Variants in RIC1 observed in about 807,000 individuals in gnomAD.
RIC1 encodes the protein guanine nucleotide exchange factor subunit RIC1.
In RIC1, 88 loss-of-function variants were observed where a neutral mutation model predicts 169.0. That is an observed-to-expected ratio of 0.52 (90% CI 0.44 to 0.62). RIC1 has a LOEUF of 0.62. RIC1 is among the 20% of genes least tolerant of loss of function. RIC1 has a pLI of 0.00. For missense variants in RIC1, 1,877 were observed against 1,725.5 expected, an observed-to-expected ratio of 1.09 and a Z score of -1.56; for synonymous variants, 790 against 601.5, an observed-to-expected ratio of 1.31 and a Z score of -4.59.
chr9:5,643,168 A>G (rs961267005), intron 1 of RIC1, among the ~76,000 whole-genome samples: 1 of 152,114 alleles, frequency 6.6e-6, no homozygotes, highest in Non-Finnish European at 1.5e-5. Flanking sequence ...TCAGCTGGCC[A>G]TGGTGGTGCA....
chr9:5,656,159 C>T (rs910996485), intron 1 of RIC1, among the ~76,000 whole-genome samples: 26 of 152,088 alleles, frequency 1.7e-4, no homozygotes, highest in African/African-American at 5.6e-4. Context: ...CATGAGCCAC[C>T]GCGCCTGGCC....
rs1235807207 is a variant in RIC1, at chr9:5,683,229, T to G, written c.253-6730T>G. On this transcript the variant is annotated intron_variant, in intron 2 of 25. Transcript: ENST00000414202. ...TGGAGGAGAAGAGGCACTCTGATTT[T>G]TAGAGTTTCCGGTTTTTCTGCTCTG... 2.0e-5 allele frequency among the ~76,000 whole-genome samples: 3 copies of G among 152,218 alleles called. 1 individual carries two copies. The highest frequency in any genetic ancestry group is 4.4e-5 in the Non-Finnish European group (3 of 68,030).
intron 2 of RIC1, among the ~76,000 whole-genome samples, chr9:5,665,143 T>C (rs1819677060): frequency 6.6e-6 from 1 of 152,230 alleles, no homozygotes; most frequent in African/African-American, 2.4e-5. Context: ...TCTTGTTGAA[T>C]TGAACCCTTT....
intron 2 of RIC1, among the ~76,000 whole-genome samples, chr9:5,666,719 G>C (rs1819788885): frequency 6.6e-6 from 1 of 152,164 alleles, no homozygotes; most frequent in African/African-American, 2.4e-5. Flanking sequence ...CTTGCATTCA[G>C]TGAATGAATC....
chr9:5,670,428 A>G (rs1167302729), intron 2 of RIC1, among the ~76,000 whole-genome samples: 1 of 152,210 alleles, frequency 6.6e-6, no homozygotes, highest in Admixed American at 6.5e-5. Flanking sequence ...TATTGATTCC[A>G]TAGCTTGCCT....
chr9:5,749,970 G>A (rs974870890), intron 12 of RIC1, among the ~76,000 whole-genome samples: 5 of 151,422 alleles, frequency 3.3e-5, no homozygotes, highest in Admixed American at 2.0e-4. Context: ...GTAGAGACGG[G>A]GTTTCACCAT....
At chr9:5,707,678 T>C (rs1418702199) in intron 3 of RIC1, among the ~76,000 whole-genome samples, 2 of 152,100 alleles carry the variant, frequency 1.3e-5, no homozygotes, top group African/African-American at 4.8e-5. Context: ...TTTGTTTGTT[T>C]GTTTGTTTCT....
chr9:5,762,810 C>G (rs1826429363), intron 18 of RIC1, 150 bp downstream of exon 18: 1 of 1,015,398 alleles, frequency 9.8e-7, no homozygotes, highest in Non-Finnish European at 1.4e-6. Context: ...GGGTGTAAGA[C>G]TGACTGACTG....
intron 1 of RIC1, among the ~76,000 whole-genome samples, chr9:5,634,446 G>A (rs975357631): frequency 6.6e-6 from 1 of 152,140 alleles, no homozygotes; most frequent in Non-Finnish European, 1.5e-5. Context: ...GGTATCTTAT[G>A]GTTTTGATTT....
chr9:5,721,625 C>T (rs752356031), intron 6 of RIC1, among the ~76,000 whole-genome samples: 7 of 152,186 alleles, frequency 4.6e-5, no homozygotes, highest in Middle Eastern at 3.2e-3. Context: ...CAAGGAGTCC[C>T]ATCTTTCAGC....
intron 1 of RIC1, among the ~76,000 whole-genome samples, chr9:5,641,980 T>A (rs1818275737): frequency 6.9e-6 from 1 of 144,164 alleles, no homozygotes; most frequent in Non-Finnish European, 1.5e-5. Context: ...GATTTGATGC[T>A]TGTAGATGTT....
chr9:5,768,135 A>G (rs1232228191), intron 21 of RIC1, among the ~76,000 whole-genome samples: 1 of 152,246 alleles, frequency 6.6e-6, no homozygotes, highest in Non-Finnish European at 1.5e-5. Context: ...CCTCTCACTT[A>G]AAGCACCACA....
chr9:5,778,157 T>C (rs777934461), downstream of RIC1, among the ~76,000 whole-genome samples: 7 of 152,244 alleles, frequency 4.6e-5, no homozygotes, highest in Non-Finnish European at 8.8e-5. Flanking sequence ...CTAAGTCTCA[T>C]ACTTTTGTTA....
intron 2 of RIC1, among the ~76,000 whole-genome samples, chr9:5,679,681 C>G (rs1820693732): frequency 6.6e-6 from 1 of 152,186 alleles, no homozygotes; most frequent in African/African-American, 2.4e-5. Context: ...GATTTTTGCA[C>G]ATTGATTTTG....
In RIC1 at chr9:5,765,548, A is replaced by C. The variant is rs115983351; in HGVS notation, c.2976A>C (p.Thr992=). Residue 992 remains threonine, a synonymous_variant, in exon 20 of 26, where the codon ACA becomes ACC. Coordinates refer to ENST00000414202, the MANE Select transcript of RIC1 (RefSeq NM_020829.4). ...LKAIGSGESE[T]PPSTPTAQEP... ...CCATTGGCTCTGGAGAATCTGAGAC[A>C]CCTCCATCCACACCCACAGCTCAGG... is the stretch of plus-strand genomic sequence containing the variant. The C allele has an allele frequency of 7.9e-4, 1,273 of 1,614,068 alleles. 10 individuals carry two copies. In the African/African-American group the frequency reaches 0.015, roughly 20 times the overall value.
chr9:5,665,364 C>T (rs1364319499), intron 2 of RIC1, among the ~76,000 whole-genome samples: 2 of 152,168 alleles, frequency 1.3e-5, no homozygotes, highest in African/African-American at 2.4e-5. Context: ...ATGTTTCTTA[C>T]TTTGCATTGG....
intron 2 of RIC1, among the ~76,000 whole-genome samples, chr9:5,667,250 A>G (rs1182679273): frequency 6.6e-6 from 1 of 152,184 alleles, no homozygotes; most frequent in Admixed American, 6.5e-5. Context: ...TGTGCCCAGG[A>G]GTTCAAGGTT....
At chr9:5,689,355 A>G (rs752578226) in intron 2 of RIC1, among the ~76,000 whole-genome samples, 4 of 152,088 alleles carry the variant, frequency 2.6e-5, no homozygotes, top group African/African-American at 9.7e-5. Context: ...CCGGCCTACA[A>G]TTTGTTGTTA....
At chr9:5,765,832 G>T in intron 21 of RIC1, 34 bp downstream of exon 21, 1 of 1,611,194 alleles carries the variant, frequency 6.2e-7, no homozygotes, top group African/African-American at 1.3e-5. Context: ...TGCTTTTTGG[G>T]CATTCATGAC....
Sources: allele counts gnomAD v4.1 joint callset (sites outside exome capture counted in the v4.1 genomes callset), GRCh38; gene constraint gnomAD v4.1.1; transcripts MANE v1.5; gene names NCBI Gene and HGNC (gene_info 2026-07-23, HGNC 2026-07-21).